CCDC171: variants seen among roughly 807,000 people sequenced by gnomAD.
CCDC171 encodes coiled-coil domain-containing protein 171.
CCDC171 carries 177 observed loss-of-function variants against 168.2 expected under a neutral mutation model. The ratio of observed to expected loss-of-function variants is 1.05; its 90% CI spans 0.93 to 1.19. CCDC171 has a LOEUF of 1.19. Ranked by LOEUF, CCDC171 falls within the 50% of genes most tolerant of loss-of-function variation. The pLI, the probability that CCDC171 is intolerant of heterozygous loss-of-function variation, is 0.00. For synonymous variants in CCDC171, 687 were observed against 540.8 expected (o/e 1.27, Z -3.75); for missense variants, 1,991 against 1,539.0 (o/e 1.29, Z -4.91).
At chr9:15,578,806 C>G in intron 3 of CCDC171, 43 bp from the exon 4 acceptor site, 2 of 1,528,830 alleles carry the variant, frequency 1.3e-6, no homozygotes, top group South Asian at 1.2e-5. Context: ...TGTATGATCT[C>G]ATAATCTTTG....
chr9:15,795,500 G>A (rs886703250), intron 21 of CCDC171, among the ~76,000 whole-genome samples: 6 of 152,156 alleles, frequency 3.9e-5, no homozygotes, highest in African/African-American at 1.4e-4. Context: ...AAATAATCAG[G>A]TTCAAGAAAT....
intron 21 of CCDC171, among the ~76,000 whole-genome samples, chr9:15,786,380 A>G (rs374098035): frequency 3.9e-5 from 6 of 152,292 alleles, no homozygotes; most frequent in East Asian, 1.9e-4. Context: ...ATGAAGAAAA[A>G]TTAAAATAAT....
intron 11 of CCDC171, among the ~76,000 whole-genome samples, chr9:15,695,912 G>A (rs938963412): frequency 2.0e-5 from 3 of 152,140 alleles, no homozygotes; most frequent in Non-Finnish European, 4.4e-5. Context: ...TATTAATTAG[G>A]TAGACATATT....
At chr9:16,034,986 C>T (rs1231089100) in intron 6 of CCDC171, among the ~76,000 whole-genome samples, 2 of 152,198 alleles carry the variant, frequency 1.3e-5, no homozygotes, top group Non-Finnish European at 2.9e-5. Context: ...CAAATTGAGT[C>T]TGCCAGCCCC....
chr9:15,918,939 C>T (rs1824933528), intron 24 of CCDC171, among the ~76,000 whole-genome samples: 1 of 151,592 alleles, frequency 6.6e-6, no homozygotes, highest in Non-Finnish European at 1.5e-5. Flanking sequence ...GTCATTAATT[C>T]AAGCAGTCAT....
At chr9:15,759,269 T>C (rs2056314272) in intron 18 of CCDC171, among the ~76,000 whole-genome samples, 2 of 152,122 alleles carry the variant, frequency 1.3e-5, no homozygotes, top group Non-Finnish European at 2.9e-5. Context: ...GAACTTTTCT[T>C]TTTGCTGAAC....
At chr9:15,695,463 G>C (rs1588009607) in intron 11 of CCDC171, 126 bp downstream of exon 11, 1 of 744,608 alleles carries the variant, frequency 1.3e-6, no homozygotes, top group Non-Finnish European at 2.4e-6. Flanking sequence ...GACATGATAA[G>C]AGCAGTTCTC....
intron 23 of CCDC171, 81 bp downstream of exon 23, chr9:15,849,028 A>G (rs2061017894): frequency 2.9e-6 from 2 of 691,542 alleles, no homozygotes; most frequent in South Asian, 4.7e-5. Flanking sequence ...AAGTACTTTC[A>G]TTGATTTTGA....
chr9:15,613,048 A>G (rs532041139), intron 6 of CCDC171, among the ~76,000 whole-genome samples: 1 of 152,152 alleles, frequency 6.6e-6, no homozygotes, highest in Non-Finnish European at 1.5e-5. Flanking sequence ...GTTGACATAG[A>G]TTTTCTGTTC....
chr9:16,033,928 C>T (rs1833413924), intron 6 of CCDC171, among the ~76,000 whole-genome samples: 1 of 152,160 alleles, frequency 6.6e-6, no homozygotes, highest in Non-Finnish European at 1.5e-5. Context: ...ACAGGGAGCT[C>T]AAGGGAGGAG....
chr9:15,856,136 TC>T (rs1563878737), intron 23 of CCDC171, among the ~76,000 whole-genome samples: 2 of 151,960 alleles, frequency 1.3e-5, no homozygotes, highest in African/African-American at 4.8e-5. Context: ...TCTTGGAATG[TC>T]TTAATTTCTC....
intron 6 of CCDC171, among the ~76,000 whole-genome samples, chr9:16,023,129 TG>T (rs552030659): frequency 6.6e-6 from 1 of 152,188 alleles, no homozygotes; most frequent in South Asian, 2.1e-4. Flanking sequence ...AGTCTCACTC[TG>T]TCGCCCAGGC....
At chr9:16,005,411 T>G (rs1479094769) in intron 3 of CCDC171, among the ~76,000 whole-genome samples, 2 of 152,312 alleles carry the variant, frequency 1.3e-5, no homozygotes, top group East Asian at 3.9e-4. Context: ...TGATGGACAT[T>G]TGGGTTGCTC....
At chr9:15,859,825 A>G (rs998493010) in intron 23 of CCDC171, among the ~76,000 whole-genome samples, 1 of 151,510 alleles carries the variant, frequency 6.6e-6, no homozygotes, top group African/African-American at 2.4e-5. Flanking sequence ...AAATCCTGCT[A>G]ATTTTTAAAT....
chr9:16,075,780 C>G, the CCDC171 span, among the ~76,000 whole-genome samples: 4 of 152,132 alleles, frequency 2.6e-5, no homozygotes, highest in Non-Finnish European at 4.4e-5. Flanking sequence ...TTTTCAATCT[C>G]TAGTGGCAAC....
chr9:15,800,614 T>C (rs1340214053), intron 21 of CCDC171, among the ~76,000 whole-genome samples: 1 of 152,150 alleles, frequency 6.6e-6, no homozygotes, highest in Non-Finnish European at 1.5e-5. Flanking sequence ...CTTTTTAACT[T>C]GATGTGGTCC....
At chr9:15,935,792 A>G (rs1332526713) in intron 25 of CCDC171, among the ~76,000 whole-genome samples, 1 of 152,080 alleles carries the variant, frequency 6.6e-6, no homozygotes, top group East Asian at 1.9e-4. Flanking sequence ...GTTGTAACAT[A>G]TTTGAAAATT....
intron 7 of CCDC171, among the ~76,000 whole-genome samples, chr9:15,654,948 C>T (rs960260052): frequency 1.6e-4 from 24 of 152,204 alleles, no homozygotes; most frequent in African/African-American, 5.3e-4. Context: ...AACCAAACAC[C>T]GCCTGTTCTC....
chr9:15,723,177 C>G (rs2053595223), intron 12 of CCDC171, among the ~76,000 whole-genome samples: 1 of 152,138 alleles, frequency 6.6e-6, no homozygotes, highest in Non-Finnish European at 1.5e-5. Flanking sequence ...CGGTGCAGGA[C>G]CAACTGATGA....
Sources: gnomAD v4.1 joint callset for allele counts (sites outside exome capture counted in the v4.1 genomes callset) on GRCh38, gnomAD v4.1.1 for gene constraint, MANE v1.5 for transcripts, NCBI Gene and HGNC (gene_info 2026-07-23, HGNC 2026-07-21) for gene names.